The following STBD1 variants were observed in gnomAD, a reference collection of about 807,000 sequenced individuals.
The protein encoded by STBD1 is starch-binding domain-containing protein 1.
Under a neutral mutation model 10.5 loss-of-function variants are expected in STBD1, and 13 were observed. The ratio of observed to expected loss-of-function variants is 1.24; its 90% CI spans 0.81 to 1.97. The LOEUF (loss-of-function observed/expected upper bound fraction) is 1.97, where lower values mean the gene tolerates loss of function less well. Among genes scored for constraint, STBD1 ranks in the 30% most tolerant of loss-of-function variants. The pLI is 0.00. For synonymous variants in STBD1, 146 were observed against 160.2 expected, an observed-to-expected ratio of 0.91 and a Z score of 0.67; for missense variants, 427 against 435.6, an observed-to-expected ratio of 0.98 and a Z score of 0.17.
chr4:76,309,548 C>A lies in STBD1; in HGVS notation c.625C>A (p.His209Asn), dbSNP rs2110043874. The A allele has an allele frequency of 6.2e-7, 1 of 1,614,230 alleles. No homozygotes were observed. The highest frequency in any genetic ancestry group is 2.2e-5 in the East Asian group (1 of 44,874). The change falls in exon 2 of 2, where the codon CAC becomes AAC. Residue 209 changes from histidine to asparagine, a missense_variant. Transcript: ENST00000237642. ...DHEEWEMVPRHSSWGDVGVGG... is the reference protein window; with the variant it reads ...DHEEWEMVPRNSSWGDVGVGG... Reference sequence around the variant, plus strand: ...CGAGGAGTGGGAAATGGTGCCTAGGCACTCATCTTGGGGGGATGTTGGTGT... The same window carrying A: ...CGAGGAGTGGGAAATGGTGCCTAGGAACTCATCTTGGGGGGATGTTGGTGT...
chr4:76,309,278 C>T lies in STBD1; in HGVS notation c.355C>T (p.Gln119Ter). The change falls in exon 2 of 2, where the codon CAG becomes TAG. Residue 119 changes from glutamine (Q) to a stop codon, truncating the protein, a stop_gained. Transcript: ENST00000237642. LOFTEE classifies it low-confidence loss of function (END_TRUNC). ...TTCAAGAGAACATGTTCCTTCTGGACAGTTTCCAGACACAGAAGCTCCAGC... is the reference window on the plus strand; with the variant it reads ...TTCAAGAGAACATGTTCCTTCTGGATAGTTTCCAGACACAGAAGCTCCAGC... ...DNSREHVPSG[Q>*]FPDTEAPATS... 1 of 1,614,190 alleles carries T rather than the reference C, an allele frequency of 6.2e-7. No individual in the cohort carries two copies. The highest frequency in any genetic ancestry group is 8.5e-7 in the Non-Finnish European group (1 of 1,180,046).
At position 76,309,390 on chromosome 4, in the gene STBD1, A is replaced by G. The variant is rs753477019; in HGVS notation, c.467A>G (p.Gln156Arg). ...LESPMGEWGF[Q>R]KGQEISAKAA... ...TCTCCTATGGGAGAATGGGGATTCC[A>G]AAAAGGACAAGAGATATCTGCTAAA... The change falls in exon 2 of 2, where the codon CAA (glutamine) becomes CGA (arginine). Residue 156 changes from glutamine to arginine, a missense_variant. Coordinates refer to ENST00000237642, the MANE Select transcript of STBD1 (RefSeq NM_003943.5). 1.7e-5 allele frequency: 28 copies of G among 1,613,170 alleles called. 1 individual carries two copies. Among genetic ancestry groups the G allele is most frequent in the Non-Finnish European group, 2.3e-5 (27 of 1,179,734 alleles).
In STBD1 at chr4:76,306,821, C is replaced by A. The variant is rs200284020; in HGVS notation, c.52C>A (p.Leu18Ile). 2.9e-5 allele frequency: 47 copies of A among 1,612,430 alleles called. No individual in the cohort carries two copies. Among genetic ancestry groups the A allele is most frequent in the Non-Finnish European group, 9.3e-6 (11 of 1,179,582 alleles). ...LLVGGGLAGA[L>I]FVWLLRGGPG... The stretch of plus-strand genomic sequence containing the variant: ...GGTTGGAGGGGGTCTGGCCGGAGCA[C>A]TTTTCGTTTGGCTGCTGCGGGGCGG... Residue 18 changes from leucine (L) to isoleucine (I), a missense_variant, in exon 1 of 2, where the codon CTT (leucine) becomes ATT (isoleucine). Coordinates refer to ENST00000237642, the MANE Select transcript of STBD1 (RefSeq NM_003943.5).
Position 76,309,886 on chromosome 4 carries a change from G to T in STBD1, c.963G>T (p.Trp321Cys), listed in dbSNP as rs1173224110. Residue 321 changes from tryptophan (W) to cysteine (C), a missense_variant, in exon 2 of 2, where the codon TGG (tryptophan) becomes TGT (cysteine). Trp to Cys is a radical substitution (Grantham distance 215, BLOSUM62 -2). Coordinates refer to ENST00000237642, the MANE Select transcript of STBD1 (RefSeq NM_003943.5). ...TGCCTGCAGATACAGTGGTGGAGTG[G>T]AAGTTTGTGTTGGTAGAGAATGGGG... ...IFLPADTVVE[W>C]KFVLVENGGV... is the part of the protein sequence containing the mutation. 2 of 1,614,206 alleles carry T rather than the reference G, an allele frequency of 1.2e-6. No homozygotes were observed. The highest frequency in any genetic ancestry group is 1.7e-6 in the Non-Finnish European group (2 of 1,180,042).
In STBD1 at chr4:76,310,199, T is replaced by C. The variant is rs1329621687; in HGVS notation, c.*199T>C. ...ATATATATGTGTGTATGTGTGTATA[T>C]ATATGCACACACACACAGATAATGC... On this transcript the variant is annotated 3_prime_UTR_variant, in exon 2 of 2. Coordinates refer to ENST00000237642, the MANE Select transcript of STBD1 (RefSeq NM_003943.5). The C allele has an allele frequency of 3.2e-6, 2 of 620,520 alleles. No homozygotes were observed. Among genetic ancestry groups the C allele is most frequent in the Non-Finnish European group, 5.5e-6 (2 of 362,934 alleles). The allele number at this position is 620,520 out of a possible 1,614,324, so 38.4% of individuals were successfully genotyped here.
chr4:76,306,818 G>A lies in STBD1; in HGVS notation c.49G>A (p.Ala17Thr). 1 of 1,612,682 alleles carries A rather than the reference G, an allele frequency of 6.2e-7. No homozygotes were observed. Residue 17 changes from alanine (A) to threonine (T), a missense_variant, in exon 1 of 2, where the codon GCA (alanine) becomes ACA (threonine). By Grantham distance (58) the Ala-to-Thr change is moderately conservative. Coordinates refer to ENST00000237642, the MANE Select transcript of STBD1 (RefSeq NM_003943.5). Reference sequence around the variant, plus strand: ...GCTGGTTGGAGGGGGTCTGGCCGGAGCACTTTTCGTTTGGCTGCTGCGGGG... The same window carrying A: ...GCTGGTTGGAGGGGGTCTGGCCGGAACACTTTTCGTTTGGCTGCTGCGGGG... ...ALLVGGGLAG[A>T]LFVWLLRGGP... is the part of the protein sequence containing the mutation.
intron 1 of STBD1, 123 bp from the exon 2 acceptor site, chr4:76,309,017 AGGGG>A: frequency 7.6e-7 from 1 of 1,317,728 alleles, no homozygotes; most frequent in African/African-American, 1.5e-5. Flanking sequence ...ATTTTAATAG[AGGGG>A]GACTTTGTGA....
chr4:76,307,674 A>G (rs547093201), intron 1 of STBD1, among the ~76,000 whole-genome samples: 14 of 149,558 alleles, frequency 9.4e-5, no homozygotes, highest in African/African-American at 3.4e-4. Context: ...TAAATAGGGG[A>G]CCCAACCCTG....
intron 1 of STBD1, 104 bp downstream of exon 1, chr4:76,307,093 A>T (rs1052686580): frequency 8.3e-7 from 1 of 1,207,432 alleles, no homozygotes; most frequent in Non-Finnish European, 1.2e-6. Flanking sequence ...CTAGGGGCCC[A>T]TTCCTGCGGA....
rs761214713 is a variant in STBD1, at chr4:76,309,747, G to A, written c.824G>A (p.Ser275Asn). Residue 275 changes from serine to asparagine, a missense_variant, in exon 2 of 2, where the codon AGC (serine) becomes AAC (asparagine). Ser to Asn is a conservative substitution (Grantham distance 46). Coordinates refer to ENST00000237642, the MANE Select transcript of STBD1 (RefSeq NM_003943.5). ...AGGTTCCAGGTCCATTATGTCACAA[G>A]CACTGATGTGCAATTCATTGCAGTA... ...SVRFQVHYVTSTDVQFIAVTG... is the reference protein window; with the variant it reads ...SVRFQVHYVTNTDVQFIAVTG... 1 of 1,614,252 alleles carries A rather than the reference G, an allele frequency of 6.2e-7. No individual in the cohort carries two copies. The highest frequency in any genetic ancestry group is 1.1e-5 in the South Asian group (1 of 91,078).
intron 1 of STBD1, 32 bp downstream of exon 1, chr4:76,307,021 C>T (rs1472202528): frequency 6.5e-6 from 10 of 1,549,120 alleles, no homozygotes; most frequent in Admixed American, 3.9e-5. Flanking sequence ...CAGGGCACAT[C>T]TGCCAGAGCT....
chr4:76,309,677 G>A lies in STBD1; in HGVS notation c.754G>A (p.Glu252Lys). ...ARGQQVHGKM[E>K]RVAVMPAGSQ... ...AGGTCAGCAAGTGCATGGGAAAATG[G>A]AAAGGGTAGCAGTGATGCCTGCAGG... Residue 252 changes from glutamate to lysine, a missense_variant, in exon 2 of 2, where the codon GAA (glutamate) becomes AAA (lysine). Coordinates refer to ENST00000237642, the MANE Select transcript of STBD1 (RefSeq NM_003943.5). 1.2e-6 allele frequency: 2 copies of A among 1,614,258 alleles called. No individual in the cohort carries two copies. The highest frequency in any genetic ancestry group is 1.7e-6 in the Non-Finnish European group (2 of 1,180,046).
chr4:76,309,622 C>T lies in STBD1; in HGVS notation c.699C>T (p.Asp233=). The T allele has an allele frequency of 1.2e-6, 2 of 1,614,146 alleles. No individual in the cohort carries two copies. The highest frequency in any genetic ancestry group is 8.5e-7 in the Non-Finnish European group (1 of 1,180,044). Residue 233 remains aspartate (D), a synonymous_variant, in exon 2 of 2, where the codon GAC becomes GAT. Coordinates refer to ENST00000237642, the MANE Select transcript of STBD1 (RefSeq NM_003943.5). ...TGTTAAACCTAAACCAGGGAATGGA[C>T]AATGGAAGAAGCACTTTGGTGGAAG... is the stretch of plus-strand genomic sequence containing the variant. The part of the protein sequence containing the change: ...APVLNLNQGM[D]NGRSTLVEAR...
In STBD1 at chr4:76,306,926, C is replaced by T; in HGVS notation, c.157C>T (p.His53Tyr). 1.2e-6 allele frequency: 2 copies of T among 1,612,124 alleles called. No individual in the cohort carries two copies. The highest frequency in any genetic ancestry group is 1.7e-6 in the Non-Finnish European group (2 of 1,179,578). ...TGGGGGAGCTGCGATTCCGGGAGGC[C>T]ATCAGAGTGGCAGCAGCGGACTGAG... is the stretch of plus-strand genomic sequence containing the variant. ...PLGGAAIPGG[H>Y]QSGSSGLSPG... Residue 53 changes from histidine to tyrosine, a missense_variant, in exon 1 of 2, where the codon CAT (histidine) becomes TAT (tyrosine). By Grantham distance (83) the His-to-Tyr change is moderately conservative (BLOSUM62 2). Coordinates refer to ENST00000237642, the MANE Select transcript of STBD1 (RefSeq NM_003943.5).
intron 1 of STBD1, among the ~76,000 whole-genome samples, chr4:76,308,855 G>T (rs1379859908): frequency 6.6e-6 from 1 of 152,226 alleles, no homozygotes; most frequent in Non-Finnish European, 1.5e-5. Flanking sequence ...GGGGACCATG[G>T]GGGGGTTACA....
At chr4:76,308,953 G>C (rs1718859794) in intron 1 of STBD1, among the ~76,000 whole-genome samples, 191 bp from the exon 2 acceptor site, 2 of 152,214 alleles carry the variant, frequency 1.3e-5, no homozygotes, top group African/African-American at 4.8e-5. Context: ...AGATATACAT[G>C]TGTATTCTTA....
Position 76,306,996 on chromosome 4 carries a change from T to C in STBD1, c.220+7T>C, listed in dbSNP as rs774066686. The C allele has an allele frequency of 2.4e-5, 38 of 1,575,820 alleles. No individual in the cohort carries two copies. In the Admixed American group the frequency reaches 6.4e-4, roughly 27 times the overall value. On this transcript the variant is annotated splice_region_variant and intron_variant, in intron 1 of 1. Coordinates refer to ENST00000237642, the MANE Select transcript of STBD1 (RefSeq NM_003943.5). ...GAGCTGGTCACCAAACCAGGTATTC[T>C]TCCCCCCGTGACTCCAGGGCACATC... is the stretch of plus-strand genomic sequence containing the variant.
chr4:76,306,985 A>G lies in STBD1; in HGVS notation c.216A>G (p.Lys72=), dbSNP rs745449050. Residue 72 remains lysine (K), a synonymous_variant, in exon 1 of 2, where the codon AAA becomes AAG. Transcript: ENST00000237642. ...PGPSGQELVT[K]PEHLQESNGH... Reference sequence around the variant, plus strand: ...CTTCCGGGCAGGAGCTGGTCACCAAACCAGGTATTCTTCCCCCCGTGACTC... The same window carrying G: ...CTTCCGGGCAGGAGCTGGTCACCAAGCCAGGTATTCTTCCCCCCGTGACTC... The G allele has an allele frequency of 3.1e-6, 5 of 1,588,708 alleles. No individual in the cohort carries two copies. The highest frequency in any genetic ancestry group is 4.3e-6 in the Non-Finnish European group (5 of 1,168,864).
At position 76,306,815 on chromosome 4, in the gene STBD1, G is replaced by C. The variant is rs752585935; in HGVS notation, c.46G>C (p.Gly16Arg). Residue 16 changes from glycine (G) to arginine (R), a missense_variant, in exon 1 of 2, where the codon GGA (glycine) becomes CGA (arginine). Transcript: ENST00000237642. ...SALLVGGGLA[G>R]ALFVWLLRGG... ...CCTGCTGGTTGGAGGGGGTCTGGCC[G>C]GAGCACTTTTCGTTTGGCTGCTGCG... 6 of 1,612,550 alleles carry C rather than the reference G, an allele frequency of 3.7e-6. No individual in the cohort carries two copies. In the South Asian group the frequency reaches 5.5e-5, roughly 15 times the overall value.
Sources: gnomAD v4.1 joint callset for allele counts (sites outside exome capture counted in the v4.1 genomes callset) on GRCh38, gnomAD v4.1.1 for gene constraint, MANE v1.5 for transcripts, NCBI Gene and HGNC (gene_info 2026-07-23, HGNC 2026-07-21) for gene names.